Variants in MYT1L observed in about 807,000 individuals in gnomAD.
MYT1L encodes the protein myelin transcription factor 1-like protein.
Under a neutral mutation model 126.7 loss-of-function variants are expected in MYT1L, and 12 were observed. That is an observed-to-expected ratio of 0.09 (90% CI 0.06 to 0.15). MYT1L has a LOEUF of 0.15. MYT1L is among the 10% of genes least tolerant of loss of function. The pLI is 1.00. For missense variants in MYT1L, 979 were observed against 1,585.2 expected (o/e 0.62, Z 6.49); for synonymous variants, 541 against 604.2 (o/e 0.90, Z 1.53).
At chr2:2,106,675 T>C (rs1344220720) in intron 3 of MYT1L, among the ~76,000 whole-genome samples, 4 of 152,142 alleles carry the variant, frequency 2.6e-5, no homozygotes, top group African/African-American at 9.7e-5. Flanking sequence ...ATGAGGGAAG[T>C]CTCTCACGTT....
chr2:2,186,412 T>G (rs1178111441), intron 2 of MYT1L, among the ~76,000 whole-genome samples: 1 of 152,238 alleles, frequency 6.6e-6, no homozygotes, highest in Non-Finnish European at 1.5e-5. Context: ...TGTTTTTCGT[T>G]TTTTGAAGCC....
intron 3 of MYT1L, among the ~76,000 whole-genome samples, chr2:2,147,603 G>A (rs912253801): frequency 3.9e-5 from 6 of 152,314 alleles, no homozygotes; most frequent in East Asian, 1.9e-4. Flanking sequence ...TTCAGCTCAC[G>A]GCCTCACAAG....
At chr2:1,901,225 C>T (rs2050297154) in intron 14 of MYT1L, among the ~76,000 whole-genome samples, 1 of 152,114 alleles carries the variant, frequency 6.6e-6, no homozygotes, top group Non-Finnish European at 1.5e-5. Flanking sequence ...CTGACCTTAA[C>T]AATGAAGCTG....
At chr2:2,302,570 C>T (rs953900859) in intron 1 of MYT1L, among the ~76,000 whole-genome samples, 3 of 152,130 alleles carry the variant, frequency 2.0e-5, no homozygotes, top group African/African-American at 7.2e-5. Context: ...CTGATATATG[C>T]ACATTCCTGT....
intron 3 of MYT1L, among the ~76,000 whole-genome samples, chr2:2,070,394 G>A (rs905362890): frequency 1.3e-5 from 2 of 152,316 alleles, no homozygotes; most frequent in East Asian, 1.9e-4. Flanking sequence ...CGCTCAGGGT[G>A]GGGGAAGCCA....
At chr2:2,195,355 C>T (rs1225194654) in intron 2 of MYT1L, among the ~76,000 whole-genome samples, 2 of 152,170 alleles carry the variant, frequency 1.3e-5, no homozygotes, top group East Asian at 3.9e-4. Context: ...GAAGGATAAA[C>T]TGAAAATAGC....
chr2:2,183,407 A>G (rs77622073), intron 2 of MYT1L, among the ~76,000 whole-genome samples: 16,191 of 152,124 alleles, frequency 0.11, 850 homozygotes, highest in African/African-American at 0.13. Flanking sequence ...GGCGGTAGGA[A>G]GAGAGAAGGA....
chr2:2,308,904 A>C (rs911938239), intron 1 of MYT1L, among the ~76,000 whole-genome samples: 1 of 151,660 alleles, frequency 6.6e-6, no homozygotes, highest in Non-Finnish European at 1.5e-5. Context: ...CCTGTGCTTC[A>C]GGATACTCTA....
chr2:2,063,828 G>A (rs1180913561), intron 3 of MYT1L, among the ~76,000 whole-genome samples: 1 of 152,092 alleles, frequency 6.6e-6, no homozygotes, highest in East Asian at 1.9e-4. Flanking sequence ...TGGGTGACAA[G>A]AGTGAAACTC....
intron 8 of MYT1L, among the ~76,000 whole-genome samples, chr2:1,977,246 T>C (rs1188464744): frequency 3.3e-5 from 5 of 152,308 alleles, no homozygotes; most frequent in Admixed American, 3.3e-4. Flanking sequence ...AATGAGTCAG[T>C]GGCAAGTTTC....
At chr2:1,940,707 T>C (rs141456345) in intron 9 of MYT1L, among the ~76,000 whole-genome samples, 1 of 152,378 alleles carries the variant, frequency 6.6e-6, no homozygotes, top group African/African-American at 2.4e-5. Context: ...GTTATTTCCT[T>C]AGGGAGCCAG....
chr2:2,154,338 G>A (rs555479168), intron 3 of MYT1L, among the ~76,000 whole-genome samples: 12 of 152,254 alleles, frequency 7.9e-5, no homozygotes, highest in East Asian at 3.9e-4. Flanking sequence ...CTTAAAACCC[G>A]TGGTGACATC....
chr2:1,943,432 C>G lies in MYT1L; in HGVS notation c.153-98G>C. On this transcript the variant is annotated intron_variant, in intron 8 of 24. Transcript: ENST00000647738. This position sits in a 1 kb window ranked among gnomAD's most constrained non-coding sequence, Gnocchi z 4.4. ...ACCAATGGGGGCCTTGATCAAGGTA[C>G]TTAAAGGCTTATCATGAATGTCATC... The G allele has an allele frequency of 7.6e-7, 1 of 1,320,848 alleles. No homozygotes were observed. The highest frequency in any genetic ancestry group is 1.0e-6 in the Non-Finnish European group (1 of 993,870). 81.8% of individuals were successfully genotyped at this position (1,320,848 alleles called of 1,614,324 possible). A position where few individuals can be genotyped will look rare whatever the true frequency, so the allele number is the denominator to read the frequency against.
At chr2:2,304,061 A>G (rs2149546970) in intron 1 of MYT1L, 1 of 152,368 alleles carries the variant, frequency 6.6e-6, no homozygotes, top group African/African-American at 2.4e-5. Flanking sequence ...TGTGGAAACA[A>G]GAAACAAAAA....
intron 18 of MYT1L, chr2:1,885,377 C>T (rs1296933976): frequency 6.6e-6 from 1 of 152,658 alleles, no homozygotes; most frequent in Admixed American, 6.5e-5. Flanking sequence ...AGAGGAAGCC[C>T]TCCAGGCGTT....
intron 19 of MYT1L, chr2:1,842,693 C>T (rs531035612): frequency 6.6e-6 from 1 of 152,670 alleles, no homozygotes; most frequent in South Asian, 2.1e-4. Context: ...GACCTCACGT[C>T]CACCCCTGCA....
At chr2:2,157,928 T>C (rs953884005) in intron 3 of MYT1L, among the ~76,000 whole-genome samples, 6 of 152,160 alleles carry the variant, frequency 3.9e-5, no homozygotes, top group Non-Finnish European at 8.8e-5. Context: ...CCAGACTCTG[T>C]GGAGGCCTCG....
intron 3 of MYT1L, among the ~76,000 whole-genome samples, chr2:2,064,540 A>T (rs2070968158): frequency 6.6e-6 from 1 of 152,202 alleles, no homozygotes; most frequent in South Asian, 2.1e-4. Context: ...AGGGAGACTG[A>T]AAGTATCTGT....
At chr2:1,868,913 C>T (rs1432850198) in intron 18 of MYT1L, among the ~76,000 whole-genome samples, 1 of 152,148 alleles carries the variant, frequency 6.6e-6, no homozygotes, top group Non-Finnish European at 1.5e-5. Flanking sequence ...AGTGGGCTCC[C>T]GGGAGAGGGG....
Sources: allele counts gnomAD v4.1 joint callset (sites outside exome capture counted in the v4.1 genomes callset), GRCh38; gene constraint gnomAD v4.1.1; non-coding constraint Gnocchi (gnomAD v3.1); transcripts MANE v1.5; gene names NCBI Gene and HGNC (gene_info 2026-07-23, HGNC 2026-07-21).